Variants in MORC2 observed in about 807,000 individuals in gnomAD.
The protein encoded by MORC2 is ATPase MORC2.
In MORC2, 30 loss-of-function variants were observed where a neutral mutation model predicts 136.0. The observed-to-expected ratio is 0.22, with a 90% confidence interval of 0.17 to 0.30. MORC2 has a LOEUF of 0.30. Among genes scored for constraint, MORC2 ranks in the 10% least tolerant of loss-of-function variants. The pLI, the probability that MORC2 is intolerant of heterozygous loss-of-function variation, is 1.00. For missense variants in MORC2, 922 were observed against 1,333.1 expected (o/e 0.69, Z 4.80); for synonymous variants, 439 against 487.0 (o/e 0.90, Z 1.30).
At chr22:30,965,940 T>G (rs1223593963) in intron 1 of MORC2, among the ~76,000 whole-genome samples, 2 of 152,272 alleles carry the variant, frequency 1.3e-5, no homozygotes, top group African/African-American at 4.8e-5. Flanking sequence ...TGTGGCCAGA[T>G]AAATCCCACT....
Position 30,926,362 on chromosome 22 carries a change from A to G in MORC2, c.*441T>C. On this transcript the variant is annotated 3_prime_UTR_variant, in exon 26 of 26. Coordinates refer to ENST00000397641, the MANE Select transcript of MORC2 (RefSeq NM_001303256.3). ...CCAGCAGGACCACCACTCTAGGGGGAAGTCTCCCTCCCATCCCTCAGATCC... is the reference window on the plus strand; with the variant it reads ...CCAGCAGGACCACCACTCTAGGGGGGAGTCTCCCTCCCATCCCTCAGATCC... 1 of 152,946 alleles carries G rather than the reference A, an allele frequency of 6.5e-6. No homozygotes were observed. Among genetic ancestry groups the G allele is most frequent in the Non-Finnish European group, 1.5e-5 (1 of 68,794 alleles). The allele number at this position is 152,946 out of a possible 1,614,324, so 9.5% of individuals were successfully genotyped here.
rs571047173 is a variant in MORC2 at position 30,943,562 on chromosome 22, G to A, written c.427-1291C>T. Among the ~76,000 whole-genome samples the A allele has an allele frequency of 2.6e-5, 4 of 152,290 alleles. No individual in the cohort carries two copies. In the South Asian group the frequency reaches 6.2e-4, roughly 24 times the overall value. On this transcript the variant is annotated intron_variant, in intron 6 of 25. Coordinates refer to ENST00000397641, the MANE Select transcript of MORC2 (RefSeq NM_001303256.3). ...CAGAGGCTCCTCCCTCGGTGGTTATGAGGCCGCAGCCCTTGCAGAGCCCTG... is the reference window on the plus strand; with the variant it reads ...CAGAGGCTCCTCCCTCGGTGGTTATAAGGCCGCAGCCCTTGCAGAGCCCTG...
chr22:30,940,425 C>G (rs1040131979), intron 10 of MORC2, among the ~76,000 whole-genome samples: 5 of 152,162 alleles, frequency 3.3e-5, no homozygotes, highest in Non-Finnish European at 7.3e-5. Flanking sequence ...AGCGAGAGAG[C>G]CCCTGAGATG....
intron 1 of MORC2, among the ~76,000 whole-genome samples, chr22:30,966,839 C>T (rs2147333507): frequency 6.6e-6 from 1 of 152,282 alleles, no homozygotes; most frequent in East Asian, 1.9e-4. Context: ...TGACAGTTTG[C>T]TTCACTACTT....
intron 5 of MORC2, among the ~76,000 whole-genome samples, chr22:30,948,793 T>C (rs2040851948): frequency 6.6e-6 from 1 of 152,230 alleles, no homozygotes; most frequent in African/African-American, 2.4e-5. Flanking sequence ...CTCACAGGGC[T>C]ATCATGAGGA....
At position 30,939,652 on chromosome 22, in the gene MORC2, C is replaced by A. The variant is rs1232906681; in HGVS notation, c.1042G>T (p.Val348Phe). 1 of 1,614,196 alleles carries A rather than the reference C, an allele frequency of 6.2e-7. No homozygotes were observed. Among genetic ancestry groups the A allele is most frequent in the South Asian group, 1.1e-5 (1 of 91,088 alleles). ...TTGGCCTCCTTGATCCTCTTCTTGACATCGGCTTCTCTGCGCAGAGTGATG... is the reference window on the plus strand; with the variant it reads ...TTGGCCTCCTTGATCCTCTTCTTGAAATCGGCTTCTCTGCGCAGAGTGATG... ...RAITLRREADVKKRIKEAKQR... is the reference protein window; with the variant it reads ...RAITLRREADFKKRIKEAKQR... Residue 348 changes from valine (V) to phenylalanine (F), a missense_variant, in exon 12 of 26, where the codon GTC becomes TTC. Around this residue, in one of 9 missense-constraint regions of MORC2, gnomAD observed 261 missense variants for 354.3 expected, o/e 0.74. Transcript: ENST00000397641.
chr22:30,947,068 T>G (rs1259143307), intron 5 of MORC2, among the ~76,000 whole-genome samples: 1 of 152,172 alleles, frequency 6.6e-6, no homozygotes, highest in African/African-American at 2.4e-5. Flanking sequence ...GAGGGGCTAA[T>G]AAAATATAAT....
Position 30,928,015 on chromosome 22 carries a change from T to A in MORC2, c.3030+4A>T. 2 of 1,612,700 alleles carry A rather than the reference T, an allele frequency of 1.2e-6. No individual in the cohort carries two copies. Among genetic ancestry groups the A allele is most frequent in the Non-Finnish European group, 1.7e-6 (2 of 1,179,992 alleles). ...AGCTGCAACAGGAAGGCTGCCGGGC[T>A]CACCTCCTGCACCTTTTGCAGGAGT... On this transcript the variant is annotated splice_donor_region_variant and intron_variant, in intron 25 of 25. Transcript: ENST00000397641.
Position 30,928,164 on chromosome 22 carries a change from C to T in MORC2, c.2885G>A (p.Cys962Tyr), listed in dbSNP as rs111941582. ...KQYEVGLQNL[C>Y]NSYQSRADSR... is the part of the protein sequence containing the mutation. ...GTCAGCACGGCTCTGGTAGGAATTG[C>T]ACAGGTTTTGGAGCCCTACTTCATA... The change falls in exon 25 of 26, where the codon TGC (cysteine) becomes TAC (tyrosine). Residue 962 changes from cysteine (C) to tyrosine (Y), a missense_variant. By Grantham distance (194) the Cys-to-Tyr change is radical. Around this residue, in one of 9 missense-constraint regions of MORC2, gnomAD observed 263 missense variants for 388.3 expected, o/e 0.68. Coordinates refer to ENST00000397641, the MANE Select transcript of MORC2 (RefSeq NM_001303256.3). 1.9e-6 allele frequency: 3 copies of T among 1,614,178 alleles called. No individual in the cohort carries two copies. Among genetic ancestry groups the T allele is most frequent in the Non-Finnish European group, 2.5e-6 (3 of 1,180,034 alleles).
intron 16 of MORC2, 76 bp from the exon 17 acceptor site, chr22:30,936,719 T>C: frequency 6.4e-7 from 1 of 1,560,932 alleles, no homozygotes; most frequent in East Asian, 2.2e-5. Flanking sequence ...CTTCAGCCAG[T>C]CTACACTGTC....
At chr22:30,930,524 G>C (rs1430478274) in intron 24 of MORC2, among the ~76,000 whole-genome samples, 1 of 152,144 alleles carries the variant, frequency 6.6e-6, no homozygotes, top group African/African-American at 2.4e-5. Flanking sequence ...TTCAAATCTG[G>C]TCTCTGTCAC....
intron 6 of MORC2, among the ~76,000 whole-genome samples, chr22:30,945,833 T>C (rs1602495437): frequency 6.6e-6 from 1 of 152,128 alleles, no homozygotes; most frequent in Non-Finnish European, 1.5e-5. Flanking sequence ...CTCCATACAC[T>C]CACCTGCTTT....
chr22:30,928,921 A>T (rs895040837), intron 24 of MORC2, among the ~76,000 whole-genome samples: 1 of 152,216 alleles, frequency 6.6e-6, no homozygotes, highest in Non-Finnish European at 1.5e-5. Flanking sequence ...CTTACTCGTA[A>T]ATCACTGAGA....
intron 1 of MORC2, among the ~76,000 whole-genome samples, chr22:30,966,788 A>G (rs986544927): frequency 6.6e-6 from 1 of 152,198 alleles, no homozygotes; most frequent in South Asian, 2.1e-4. Flanking sequence ...TCAAAAAAAT[A>G]ACAAACTTCC....
intron 24 of MORC2, among the ~76,000 whole-genome samples, chr22:30,931,753 G>A (rs1037901430): frequency 6.6e-6 from 1 of 152,172 alleles, no homozygotes; most frequent in African/African-American, 2.4e-5. Context: ...CACTTTCTCA[G>A]CACTCGCTGC....
At chr22:30,933,818 C>T (rs1360336203) in intron 20 of MORC2, among the ~76,000 whole-genome samples, 1 of 152,182 alleles carries the variant, frequency 6.6e-6, no homozygotes, top group African/African-American at 2.4e-5. Flanking sequence ...AAGACCCTAC[C>T]TGGCACCATG....
At position 30,932,707 on chromosome 22, in the gene MORC2, A is replaced by T; in HGVS notation, c.2585T>A (p.Leu862His). 6.2e-7 allele frequency: 1 copy of T among 1,614,166 alleles called. No individual in the cohort carries two copies. The highest frequency in any genetic ancestry group is 8.5e-7 in the Non-Finnish European group (1 of 1,180,028). Residue 862 changes from leucine (L) to histidine (H), a missense_variant, in exon 23 of 26, where the codon CTT becomes CAT. Leu to His is a moderately conservative substitution (Grantham distance 99). Transcript: ENST00000397641. This position sits in a 1 kb window ranked among gnomAD's most constrained non-coding sequence, Gnocchi z 4.4. Reference sequence around the variant, plus strand: ...CTCCCCGCCCTCCTGTTGTGTATCAAGGCTCTGATGTTCCGGAGAAGGGGG... The same window carrying T: ...CTCCCCGCCCTCCTGTTGTGTATCATGGCTCTGATGTTCCGGAGAAGGGGG... ...MKPPSPEHQSLDTQQEGGEEE... is the reference protein window; with the variant it reads ...MKPPSPEHQSHDTQQEGGEEE...
Position 30,937,936 on chromosome 22 carries a change from C to A in MORC2, c.1248G>T (p.Val416=). 2 of 1,614,106 alleles carry A rather than the reference C, an allele frequency of 1.2e-6. No individual in the cohort carries two copies. The highest frequency in any genetic ancestry group is 2.2e-5 in the South Asian group (2 of 91,076). Reference sequence around the variant, plus strand: ...GTGTAGGCTCCAGGACCAGGTAGGGCACATCAACAACCCCAACAACCCCGC... The same window carrying A: ...GTGTAGGCTCCAGGACCAGGTAGGGAACATCAACAACCCCAACAACCCCGC... The part of the protein sequence containing the change: ...ACGGVVGVVD[V]PYLVLEPTHN... Residue 416 remains valine, a synonymous_variant, in exon 14 of 26, where the codon GTG becomes GTT. Transcript: ENST00000397641. The surrounding 1 kb of genome is among the most constrained non-coding windows in gnomAD (Gnocchi z 4.7).
intron 6 of MORC2, among the ~76,000 whole-genome samples, chr22:30,944,913 A>C (rs2040794239): frequency 6.6e-6 from 1 of 152,066 alleles, no homozygotes; most frequent in Non-Finnish European, 1.5e-5. Context: ...CAACCCAATC[A>C]CCACACAATC....
Sources: allele counts gnomAD v4.1 joint callset (sites outside exome capture counted in the v4.1 genomes callset), GRCh38; gene constraint gnomAD v4.1.1; regional missense constraint gnomAD v4.1.1; non-coding constraint Gnocchi (gnomAD v3.1); transcripts MANE v1.5; gene names NCBI Gene and HGNC (gene_info 2026-07-23, HGNC 2026-07-21).